Variants in PGCKA1 observed in about 807,000 individuals in gnomAD.
The protein encoded by PGCKA1 is PDCD10 and GCKIII kinases-associated protein 1.
the PGCKA1 span, among the ~76,000 whole-genome samples, chr4:37,534,812 C>G: frequency 6.6e-6 from 1 of 152,166 alleles, no homozygotes; most frequent in East Asian, 1.9e-4. Flanking sequence ...AGGGCCTCAC[C>G]TCTTAACATT....
the PGCKA1 span, among the ~76,000 whole-genome samples, chr4:37,506,157 T>A: frequency 7.9e-5 from 12 of 152,300 alleles, no homozygotes; most frequent in East Asian, 2.3e-3. Flanking sequence ...TTAATTTTAT[T>A]TATTTGGGTC....
At chr4:37,574,540 A>G in the PGCKA1 span, among the ~76,000 whole-genome samples, 1 of 152,182 alleles carries the variant, frequency 6.6e-6, no homozygotes, top group Non-Finnish European at 1.5e-5. Context: ...TGCAATGCAT[A>G]ATAATCATAT....
the PGCKA1 span, among the ~76,000 whole-genome samples, chr4:37,456,966 A>G: frequency 2.0e-5 from 3 of 152,262 alleles, no homozygotes; most frequent in Admixed American, 2.0e-4. Flanking sequence ...TCTGACGTCA[A>G]TTTACATGTC....
chr4:37,542,715 C>T, the PGCKA1 span, among the ~76,000 whole-genome samples: 2 of 152,098 alleles, frequency 1.3e-5, no homozygotes, highest in African/African-American at 4.8e-5. Context: ...AGCCATATGT[C>T]GTTAGTATTT....
At chr4:37,517,679 G>C in the PGCKA1 span, among the ~76,000 whole-genome samples, 1 of 152,086 alleles carries the variant, frequency 6.6e-6, no homozygotes, top group African/African-American at 2.4e-5. Flanking sequence ...TTGTGATACA[G>C]GCATGCAATG....
chr4:37,501,089 A>G, the PGCKA1 span, among the ~76,000 whole-genome samples: 1 of 152,098 alleles, frequency 6.6e-6, no homozygotes, highest in East Asian at 1.9e-4. Context: ...TGTGCCTTTT[A>G]ATTGGGGCAT....
the PGCKA1 span, among the ~76,000 whole-genome samples, chr4:37,505,937 C>T: frequency 0.062 from 9,402 of 152,240 alleles, 502 homozygotes; most frequent in South Asian, 0.17. Context: ...CCCTGGGATA[C>T]TTTTTATTAC....
chr4:37,535,985 G>A, the PGCKA1 span, among the ~76,000 whole-genome samples: 1 of 152,220 alleles, frequency 6.6e-6, no homozygotes, highest in Admixed American at 6.5e-5. Flanking sequence ...TGGTTGTGAG[G>A]ATTAAATGAG....
At chr4:37,570,312 T>A in the PGCKA1 span, among the ~76,000 whole-genome samples, 1 of 151,022 alleles carries the variant, frequency 6.6e-6, no homozygotes, top group African/African-American at 2.5e-5. Context: ...GCATATAATC[T>A]TTCAAGTTCT....
chr4:37,567,921 G>A, the PGCKA1 span, among the ~76,000 whole-genome samples: 4 of 152,194 alleles, frequency 2.6e-5, no homozygotes, highest in Non-Finnish European at 5.9e-5. Context: ...TTCAATCTAT[G>A]AAAATGTCTG....
the PGCKA1 span, among the ~76,000 whole-genome samples, chr4:37,554,349 A>G: frequency 6.7e-6 from 1 of 149,684 alleles, no homozygotes; most frequent in South Asian, 2.1e-4. Context: ...CTTTAGAAAT[A>G]TTTATTTATT....
the PGCKA1 span, chr4:37,453,925 G>T: frequency 6.6e-6 from 1 of 152,480 alleles, no homozygotes; most frequent in African/African-American, 2.4e-5. Flanking sequence ...CTGCGAGCTC[G>T]GCGGGCTCAG....
At chr4:37,501,989 G>T in the PGCKA1 span, among the ~76,000 whole-genome samples, 1 of 152,130 alleles carries the variant, frequency 6.6e-6, no homozygotes, top group Non-Finnish European at 1.5e-5. Context: ...AAGGTTTTAG[G>T]AGGCCAACAC....
chr4:37,565,766 G>A, the PGCKA1 span, among the ~76,000 whole-genome samples: 4 of 152,180 alleles, frequency 2.6e-5, no homozygotes, highest in African/African-American at 9.7e-5. Context: ...TGATGGGATT[G>A]AAGGATGCAA....
At chr4:37,549,200 T>C in the PGCKA1 span, among the ~76,000 whole-genome samples, 27,453 of 152,210 alleles carry the variant, frequency 0.18, 2,776 homozygotes, top group East Asian at 0.43. Flanking sequence ...GCTTATCAAT[T>C]AGTCAGCCCT....
chr4:37,536,102 G>C, the PGCKA1 span, among the ~76,000 whole-genome samples: 1 of 152,222 alleles, frequency 6.6e-6, no homozygotes. Context: ...TGTGACACGA[G>C]TACAAAACAG....
At chr4:37,585,359 G>A in the PGCKA1 span, among the ~76,000 whole-genome samples, 27 of 58,134 alleles carry the variant, frequency 4.6e-4, no homozygotes, top group Admixed American at 9.0e-4. Context: ...GTTGAGGGAG[G>A]GGAGGGGAGA....
the PGCKA1 span, among the ~76,000 whole-genome samples, chr4:37,546,263 A>G: frequency 1.1e-3 from 173 of 152,330 alleles, no homozygotes; most frequent in African/African-American, 3.9e-3. Context: ...AAAAAAAACA[A>G]GGAAGTGAAA....
At chr4:37,570,136 C>G in the PGCKA1 span, among the ~76,000 whole-genome samples, 6 of 137,426 alleles carry the variant, frequency 4.4e-5, no homozygotes, top group Non-Finnish European at 7.8e-5. Context: ...CCCGCCACCA[C>G]GCCTGGCTAA....
Sources: gnomAD v4.1 joint callset for allele counts (sites outside exome capture counted in the v4.1 genomes callset) on GRCh38, gnomAD v4.1.1 for gene constraint, MANE v1.5 for transcripts, NCBI Gene and HGNC (gene_info 2026-07-23, HGNC 2026-07-21) for gene names.